KCNN2: variants seen among roughly 807,000 people sequenced by gnomAD.
The protein encoded by KCNN2 is small conductance calcium-activated potassium channel protein 2.
KCNN2 carries 24 observed loss-of-function variants against 55.5 expected under a neutral mutation model. The observed-to-expected ratio is 0.43, with a 90% CI of 0.31 to 0.61. The LOEUF (loss-of-function observed/expected upper bound fraction) is 0.61. Among genes scored for constraint, KCNN2 ranks in the 20% least tolerant of loss-of-function variants. The probability of loss-of-function intolerance (pLI) is 0.08; values close to 1 mark genes in which losing one functional copy is unlikely to be tolerated. For missense variants in KCNN2, 754 were observed against 853.6 expected, an observed-to-expected ratio of 0.88 and a Z score of 1.45; for synonymous variants, 431 against 336.1, an observed-to-expected ratio of 1.28 and a Z score of -3.09.
chr5:114,072,286 C>G (rs990764257), intron 1 of KCNN2, among the ~76,000 whole-genome samples: 1 of 151,234 alleles, frequency 6.6e-6, no homozygotes, highest in Non-Finnish European at 1.5e-5. Flanking sequence ...GAGTAAAACT[C>G]CATCTAAAAA....
At chr5:114,168,565 GC>G (rs2112540367) in intron 1 of KCNN2, among the ~76,000 whole-genome samples, 1 of 152,064 alleles carries the variant, frequency 6.6e-6, no homozygotes, top group African/African-American at 2.4e-5. Flanking sequence ...TTGAGAACAA[GC>G]TAAAAATATT....
chr5:114,475,649 C>CT (rs1761931918), intron 5 of KCNN2, among the ~76,000 whole-genome samples: 1 of 152,132 alleles, frequency 6.6e-6, no homozygotes, highest in Non-Finnish European at 1.5e-5. Context: ...TTTTCCAGTA[C>CT]TGACCACTCA....
chr5:114,276,665 T>C (rs1755494783), intron 2 of KCNN2, among the ~76,000 whole-genome samples: 1 of 150,446 alleles, frequency 6.6e-6, no homozygotes, highest in African/African-American at 2.4e-5. Flanking sequence ...TGCATTTTTT[T>C]TTTTTTTGCT....
At chr5:114,240,871 T>C (rs62382890) in intron 2 of KCNN2, among the ~76,000 whole-genome samples, 19,434 of 152,106 alleles carry the variant, frequency 0.13, 1,755 homozygotes, top group East Asian at 0.54. Flanking sequence ...AGTATAAATA[T>C]GTGAAAAGAA....
chr5:114,361,568 C>G (rs1369782193), upstream of KCNN2, among the ~76,000 whole-genome samples: 1 of 152,166 alleles, frequency 6.6e-6, no homozygotes, highest in African/African-American at 2.4e-5. Flanking sequence ...GGGCGTGGGA[C>G]GAGGGGGCTG....
chr5:114,263,912 TAA>T (rs1170779186), intron 2 of KCNN2, among the ~76,000 whole-genome samples: 5 of 152,176 alleles, frequency 3.3e-5, no homozygotes, highest in African/African-American at 1.2e-4. Context: ...GGATGCTTAT[TAA>T]GACACCCTTA....
chr5:114,194,741 C>G (rs898226591), intron 1 of KCNN2, among the ~76,000 whole-genome samples: 3 of 151,890 alleles, frequency 2.0e-5, no homozygotes, highest in African/African-American at 7.2e-5. Context: ...AGTGTCACAT[C>G]TAAGAAATCA....
chr5:114,271,655 C>G (rs1016247982), intron 2 of KCNN2, among the ~76,000 whole-genome samples: 14 of 152,178 alleles, frequency 9.2e-5, no homozygotes, highest in African/African-American at 3.4e-4. Context: ...TTCATTTCAA[C>G]AGGTTCTTCC....
chr5:114,302,546 G>A (rs1239772080), intron 2 of KCNN2, among the ~76,000 whole-genome samples: 1 of 152,042 alleles, frequency 6.6e-6, no homozygotes, highest in South Asian at 2.1e-4. Context: ...AAATGACAAT[G>A]GGTGGTTGGC....
chr5:114,230,391 T>C (rs1290080501), intron 2 of KCNN2, among the ~76,000 whole-genome samples: 1 of 139,436 alleles, frequency 7.2e-6, no homozygotes, highest in Non-Finnish European at 1.5e-5. Context: ...CACTAACTCG[T>C]CATCTAGCCT....
chr5:114,364,795 G>A (rs1256044723), intron 2 of KCNN2, among the ~76,000 whole-genome samples: 1 of 151,974 alleles, frequency 6.6e-6, no homozygotes, highest in Non-Finnish European at 1.5e-5. Flanking sequence ...TCAAAAATTA[G>A]ATTGGGACTT....
chr5:114,066,581 C>A (rs894264611), intron 1 of KCNN2, among the ~76,000 whole-genome samples: 1 of 152,064 alleles, frequency 6.6e-6, no homozygotes, highest in Non-Finnish European at 1.5e-5. Context: ...TCTTTTTTTT[C>A]TTTTCTTTTT....
chr5:114,076,957 A>G (rs1750696162), intron 1 of KCNN2, among the ~76,000 whole-genome samples: 1 of 152,214 alleles, frequency 6.6e-6, no homozygotes. Context: ...GGCCTCCCAA[A>G]GTGATGGGAT....
intron 2 of KCNN2, among the ~76,000 whole-genome samples, chr5:114,245,685 C>A (rs202098080): frequency 2.2e-5 from 3 of 137,944 alleles, no homozygotes; most frequent in Non-Finnish European, 4.8e-5. Flanking sequence ...TGTCAAAAAA[C>A]CCCTAAAAAC....
At chr5:114,272,357 C>CACACATATATGTATGTA (rs1561549029) in intron 2 of KCNN2, among the ~76,000 whole-genome samples, 110 of 29,450 alleles carry the variant, frequency 3.7e-3, no homozygotes, top group South Asian at 7.9e-3. Context: ...TATGTACATA[C>CACACATATATGTATGTA]CATATACACA....
intron 2 of KCNN2, among the ~76,000 whole-genome samples, chr5:114,324,806 T>TA (rs1203085750): frequency 6.6e-6 from 1 of 152,168 alleles, no homozygotes; most frequent in East Asian, 1.9e-4. Flanking sequence ...TCATGAGTGT[T>TA]ACAGAAAAAG....
rs1175218618 is a variant in KCNN2, at chr5:114,373,657, T to TATAA, written c.1218+9657_1218+9658insTAAA. 1.7e-5 allele frequency among the ~76,000 whole-genome samples: 2 copies of TATAA among 117,626 alleles called. 1 individual carries two copies. The highest frequency in any genetic ancestry group is 1.9e-4 in the Admixed American group (2 of 10,420). 77.2% of individuals were successfully genotyped at this position (117,626 alleles called of 152,430 possible). A position where few individuals can be genotyped will look rare whatever the true frequency, so the allele number is the denominator to read the frequency against. ...TGAAGATTTTATATATATATATATA[T>TATAA]AAAATTACTTGGAACACTGCCTGGC... On this transcript the variant is annotated intron_variant, in intron 2 of 7. Transcript: ENST00000673685.
At chr5:114,484,616 T>G (rs371348811) in intron 5 of KCNN2, among the ~76,000 whole-genome samples, 9 of 152,292 alleles carry the variant, frequency 5.9e-5, no homozygotes, top group Admixed American at 4.6e-4. Context: ...CTGTTCCTTT[T>G]CAACCCTAGA....
At chr5:114,391,130 G>T in intron 2 of KCNN2, among the ~76,000 whole-genome samples, 1 of 152,110 alleles carries the variant, frequency 6.6e-6, no homozygotes, top group East Asian at 1.9e-4. Context: ...TCAAAAATAG[G>T]TATAGCTGGA....
Sources: gnomAD v4.1 joint callset for allele counts (sites outside exome capture counted in the v4.1 genomes callset) on GRCh38, gnomAD v4.1.1 for gene constraint, MANE v1.5 for transcripts, NCBI Gene and HGNC (gene_info 2026-07-23, HGNC 2026-07-21) for gene names.